Variants in SPON1 observed in about 807,000 individuals in gnomAD.
SPON1 encodes the protein spondin 1.
In SPON1, 52 loss-of-function variants were observed where a neutral mutation model predicts 111.7. The observed-to-expected ratio is 0.47, with a 90% CI of 0.37 to 0.59. The LOEUF is 0.59. Ranked by LOEUF, SPON1 falls within the 20% of genes least tolerant of loss-of-function variation. The probability of loss-of-function intolerance (pLI) is 0.00; values close to 1 mark genes in which losing one functional copy is unlikely to be tolerated. For missense variants in SPON1, 957 were observed against 1,068.5 expected, an observed-to-expected ratio of 0.90 and a Z score of 1.46; for synonymous variants, 410 against 395.8, an observed-to-expected ratio of 1.04 and a Z score of -0.43.
At chr11:14,113,630 T>A (rs1300327600) in intron 5 of SPON1, among the ~76,000 whole-genome samples, 3 of 120,910 alleles carry the variant, frequency 2.5e-5, no homozygotes, top group Admixed American at 2.1e-4. Flanking sequence ...TGAGACGGAG[T>A]CTCGCTCTGT....
At chr11:14,118,885 A>G (rs1367533811) in intron 5 of SPON1, among the ~76,000 whole-genome samples, 1 of 152,180 alleles carries the variant, frequency 6.6e-6, no homozygotes, top group Non-Finnish European at 1.5e-5. Context: ...GGGGATGGTA[A>G]CTGACCTACC....
At chr11:14,069,511 T>G (rs566046793) in intron 3 of SPON1, among the ~76,000 whole-genome samples, 1 of 152,222 alleles carries the variant, frequency 6.6e-6, no homozygotes, top group South Asian at 2.1e-4. Flanking sequence ...AGTTAGTCAC[T>G]TCACCTCTGC....
chr11:14,041,703 T>G, intron 3 of SPON1, 49 bp downstream of exon 3: 2 of 1,591,476 alleles, frequency 1.3e-6, no homozygotes, highest in Non-Finnish European at 1.7e-6. Flanking sequence ...GACTTTGTGG[T>G]GTGATTGCAG....
At chr11:14,040,734 T>C (rs999819705) in intron 2 of SPON1, among the ~76,000 whole-genome samples, 7 of 152,170 alleles carry the variant, frequency 4.6e-5, no homozygotes, top group African/African-American at 7.2e-5. Context: ...ATGAATGTTA[T>C]CTAGTAATGC....
chr11:13,984,788 T>G (rs986312284), intron 2 of SPON1, among the ~76,000 whole-genome samples: 3 of 152,202 alleles, frequency 2.0e-5, no homozygotes, highest in Non-Finnish European at 4.4e-5. Context: ...TGCAACTGAT[T>G]GGTGAATACA....
intron 5 of SPON1, among the ~76,000 whole-genome samples, chr11:14,086,315 G>T (rs913111173): frequency 6.6e-6 from 1 of 152,138 alleles, no homozygotes; most frequent in Non-Finnish European, 1.5e-5. Flanking sequence ...TTTGAGATAT[G>T]TTCTATCAAT....
intron 3 of SPON1, among the ~76,000 whole-genome samples, chr11:14,052,365 A>T (rs1848714000): frequency 6.6e-6 from 1 of 152,224 alleles, no homozygotes; most frequent in Non-Finnish European, 1.5e-5. Flanking sequence ...TGTGATTTAG[A>T]GGAAAATGGC....
chr11:14,158,880 T>C (rs1396401211), intron 6 of SPON1, among the ~76,000 whole-genome samples: 1 of 152,164 alleles, frequency 6.6e-6, no homozygotes, highest in Non-Finnish European at 1.5e-5. Context: ...CTTTCTGATT[T>C]GTGTCTCTAA....
chr11:14,057,783 C>T (rs1413701779), intron 3 of SPON1, among the ~76,000 whole-genome samples: 7 of 146,946 alleles, frequency 4.8e-5, no homozygotes, highest in Non-Finnish European at 7.4e-5. Context: ...TTGCTTGAAC[C>T]CAGGAGTTCA....
chr11:13,974,996 G>A (rs1848090939), intron 1 of SPON1, among the ~76,000 whole-genome samples: 3 of 152,134 alleles, frequency 2.0e-5, no homozygotes, highest in Admixed American at 2.0e-4. Context: ...CTTGTCCACT[G>A]GATAAACTCC....
chr11:14,015,675 A>G (rs538726364), intron 2 of SPON1, among the ~76,000 whole-genome samples: 8 of 152,368 alleles, frequency 5.3e-5, no homozygotes, highest in African/African-American at 1.9e-4. Flanking sequence ...ACTATGGGTA[A>G]ATTTAAACTC....
At chr11:14,060,605 A>C (rs1848784350) in intron 3 of SPON1, among the ~76,000 whole-genome samples, 1 of 152,178 alleles carries the variant, frequency 6.6e-6, no homozygotes, top group Non-Finnish European at 1.5e-5. Context: ...AGCTTTTAAA[A>C]CTTACCTGTC....
chr11:14,166,527 T>C (rs1848031949), intron 6 of SPON1, among the ~76,000 whole-genome samples: 1 of 152,168 alleles, frequency 6.6e-6, no homozygotes. Flanking sequence ...TTTAAAGTTA[T>C]CTGAGTCCTG....
chr11:14,257,589 C>A, intron 10 of SPON1, 127 bp from the exon 11 acceptor site: 1 of 758,780 alleles, frequency 1.3e-6, no homozygotes, highest in Non-Finnish European at 2.0e-6. Flanking sequence ...ATCCCAGGAG[C>A]ACCCAGGCTC....
In SPON1 at chr11:14,265,658, A is replaced by C; in HGVS notation, c.2395A>C (p.Ile799Leu). 6.2e-7 allele frequency: 1 copy of C among 1,613,700 alleles called. No homozygotes were observed. The highest frequency in any genetic ancestry group is 1.1e-5 in the South Asian group (1 of 90,932). The change falls in exon 16 of 16, where the codon ATC (isoleucine) becomes CTC (leucine). Residue 799 changes from isoleucine to leucine, a missense_variant. Transcript: ENST00000576479. ...TACCAGCTGCAAAGACAAGAAGGAG[A>C]TCAGAGCATGCAATGTTCATCCTTG... ...QFTSCKDKKE[I>L]RACNVHPC is the part of the protein sequence containing the mutation.
chr11:13,983,003 A>G, intron 2 of SPON1, 50 bp downstream of exon 2: 1 of 1,249,872 alleles, frequency 8.0e-7, no homozygotes, highest in Admixed American at 2.0e-5. Flanking sequence ...CCTAGGAGGT[A>G]GAGGCTGGAG....
At position 14,074,674 on chromosome 11, in the gene SPON1, T is replaced by C. The variant is rs903525605; in HGVS notation, c.480-671T>C. Among the ~76,000 whole-genome samples the C allele has an allele frequency of 3.3e-5, 5 of 152,164 alleles. No homozygotes were observed. In the South Asian group the frequency reaches 6.2e-4, roughly 19 times the overall value. On this transcript the variant is annotated intron_variant, in intron 3 of 15. Transcript: ENST00000576479. Reference sequence around the variant, plus strand: ...AAATCAACAACAGAGTGGGTTAAAATAAAAGAAGCATGTCTGTGCAATCCC... The same window carrying C: ...AAATCAACAACAGAGTGGGTTAAAACAAAAGAAGCATGTCTGTGCAATCCC...
intron 3 of SPON1, 32 bp downstream of exon 3, chr11:14,041,686 T>C: frequency 6.2e-7 from 1 of 1,609,068 alleles, no homozygotes; most frequent in Non-Finnish European, 8.5e-7. Context: ...CCCTGCAGTT[T>C]ATCAAAGACT....
intron 3 of SPON1, among the ~76,000 whole-genome samples, chr11:14,068,432 A>G (rs535514515): frequency 1.1e-4 from 17 of 152,316 alleles, no homozygotes; most frequent in African/African-American, 4.1e-4. Flanking sequence ...TTAAGAGCCT[A>G]ACCGACCTCT....
Sources: allele counts gnomAD v4.1 joint callset (sites outside exome capture counted in the v4.1 genomes callset), GRCh38; gene constraint gnomAD v4.1.1; transcripts MANE v1.5; gene names NCBI Gene and HGNC (gene_info 2026-07-23, HGNC 2026-07-21).